Variants in MCEE observed in about 807,000 individuals in gnomAD.
MCEE encodes the protein methylmalonyl-CoA epimerase.
A neutral mutation model predicts 12.9 loss-of-function variants in MCEE; 6 were observed. The ratio of observed to expected loss-of-function variants is 0.47; its 90% CI spans 0.26 to 0.92. The LOEUF (loss-of-function observed/expected upper bound fraction) is 0.92, where lower values mean the gene tolerates loss of function less well. Among genes scored for constraint, MCEE ranks in the 40% least tolerant of loss-of-function variants. The pLI is 0.16. For missense variants in MCEE, 214 were observed against 212.1 expected (o/e 1.01, Z -0.05); for synonymous variants, 78 against 77.9 (o/e 1.00, Z -0.01).
intron 2 of MCEE, among the ~76,000 whole-genome samples, chr2:71,111,313 G>A (rs987153186): frequency 1.4e-4 from 21 of 152,044 alleles, no homozygotes; most frequent in Admixed American, 9.2e-4. Context: ...GGAACGGCTC[G>A]ACCCACTTAG....
In MCEE at chr2:71,110,055, A is replaced by G; in HGVS notation, c.446T>C (p.Val149Ala). Reference protein sequence around the residue: ...KKKIRSLSEEVKIGAHGKPVI... With the variant: ...KKKIRSLSEEAKIGAHGKPVI... Reference sequence around the variant, plus strand: ...TGGTTTTCCATGTGCTCCTATTTTGACCTCTTCACTTAGACTGCGGATCTT... The same window carrying G: ...TGGTTTTCCATGTGCTCCTATTTTGGCCTCTTCACTTAGACTGCGGATCTT... Residue 149 changes from valine to alanine, a missense_variant, in exon 3 of 3, where the codon GTC becomes GCC. Transcript: ENST00000244217. 1 of 1,613,512 alleles carries G rather than the reference A, an allele frequency of 6.2e-7. No individual in the cohort carries two copies. The highest frequency in any genetic ancestry group is 8.5e-7 in the Non-Finnish European group (1 of 1,179,578).
rs1672848369 is a variant in MCEE at position 71,109,797 on chromosome 2, A to G, written c.*173T>C. 2 of 397,766 alleles carry G rather than the reference A, an allele frequency of 5.0e-6. No individual in the cohort carries two copies. Among genetic ancestry groups the G allele is most frequent in the Non-Finnish European group, 8.7e-6 (2 of 229,820 alleles). The allele number at this position is 397,766 out of a possible 1,614,324, so 24.6% of individuals were successfully genotyped here. On this transcript the variant is annotated 3_prime_UTR_variant, in exon 3 of 3. Transcript: ENST00000244217. ...ACAAATATGTTTGTTAATCTAAATA[A>G]TATACATATTTATGTATTTATATAT...
At chr2:71,123,802 GA>G (rs1270291677) in intron 2 of MCEE, among the ~76,000 whole-genome samples, 1 of 152,176 alleles carries the variant, frequency 6.6e-6, no homozygotes, top group Non-Finnish European at 1.5e-5. Flanking sequence ...AGAGAGAAAA[GA>G]GTTATAAAGA....
Position 71,121,342 on chromosome 2 carries a change from G to A in MCEE, c.378+2864C>T, listed in dbSNP as rs1405861205. ...GGTGATGCCTGGAGCAACCTTGTAA[G>A]TCATGTGTCATGGACAGCAGAGCTG... On this transcript the variant is annotated intron_variant, in intron 2 of 2. Transcript: ENST00000244217. 3.9e-5 allele frequency among the ~76,000 whole-genome samples: 6 copies of A among 152,300 alleles called. No homozygotes were observed. In the East Asian group the frequency reaches 1.2e-3, roughly 29 times the overall value.
chr2:71,118,944 C>T (rs1673047492), intron 2 of MCEE, among the ~76,000 whole-genome samples: 1 of 149,400 alleles, frequency 6.7e-6, no homozygotes, highest in Non-Finnish European at 1.5e-5. Context: ...TCTCTGGCTT[C>T]CCCGGGGCAG....
At chr2:71,116,904 G>A (rs2103783397) in intron 2 of MCEE, 1 of 150,474 alleles carries the variant, frequency 6.6e-6, no homozygotes. Context: ...TCTGAAAATG[G>A]CAATACAATC....
intron 1 of MCEE, among the ~76,000 whole-genome samples, chr2:71,126,459 C>A (rs1028990346): frequency 2.6e-5 from 4 of 151,564 alleles, no homozygotes; most frequent in Admixed American, 2.6e-4. Context: ...AACTCCTGAC[C>A]TCGTGATCCG....
At chr2:71,129,101 GA>G (rs1313761497) in intron 1 of MCEE, among the ~76,000 whole-genome samples, 1 of 151,960 alleles carries the variant, frequency 6.6e-6, no homozygotes, top group African/African-American at 2.4e-5. Context: ...GCAATCTTTG[GA>G]ATACACTGTC....
rs1004214683 is a variant in MCEE, at chr2:71,119,782, G to A, written c.378+4424C>T. 1.3e-5 allele frequency among the ~76,000 whole-genome samples: 2 copies of A among 150,192 alleles called. 1 individual carries two copies. The highest frequency in any genetic ancestry group is 5.0e-5 in the African/African-American group (2 of 39,604). ...CAGATAGAATTGTGCGGCTGAGCAT[G>A]GTGGTTCATGCCTGTAATCCCAGTG... On this transcript the variant is annotated intron_variant, in intron 2 of 2. Transcript: ENST00000244217.
chr2:71,110,236 T>C, intron 2 of MCEE, 114 bp from the exon 3 acceptor site: 1 of 825,036 alleles, frequency 1.2e-6, no homozygotes, highest in South Asian at 1.5e-5. Context: ...CCTCTGCCTG[T>C]GGGCAGGACC....
rs956236158 is a variant in MCEE at position 71,120,176 on chromosome 2, T to C, written c.378+4030A>G. Among the ~76,000 whole-genome samples, 14 of 150,142 alleles carry C rather than the reference T, an allele frequency of 9.3e-5. 1 individual carries two copies. Among genetic ancestry groups the C allele is most frequent in the African/African-American group, 3.5e-4 (14 of 39,540 alleles). Reference sequence around the variant, plus strand: ...CTGTTTACCAACCAACACGGAAGCATTTAAATATTTTTACAAACTCAATAC... The same window carrying C: ...CTGTTTACCAACCAACACGGAAGCACTTAAATATTTTTACAAACTCAATAC... On this transcript the variant is annotated intron_variant, in intron 2 of 2. Transcript: ENST00000244217.
intron 1 of MCEE, among the ~76,000 whole-genome samples, chr2:71,127,561 A>G (rs1345876429): frequency 1.3e-5 from 2 of 152,260 alleles, no homozygotes; most frequent in Non-Finnish European, 2.9e-5. Context: ...TGAAGTGTAC[A>G]ATTCATTTCT....
chr2:71,117,319 T>C (rs1330663807), intron 2 of MCEE, among the ~76,000 whole-genome samples: 1 of 150,608 alleles, frequency 6.6e-6, no homozygotes, highest in Non-Finnish European at 1.5e-5. Context: ...ACAATGACTA[T>C]ATAGTCTAGT....
In MCEE at chr2:71,124,525, T is replaced by G; in HGVS notation, c.59A>C (p.Gln20Pro). The change falls in exon 2 of 3, where the codon CAA becomes CCA. Residue 20 changes from glutamine to proline, a missense_variant. Physicochemically the swap from Gln to Pro is moderately conservative, Grantham distance 76. Transcript: ENST00000244217. Reference protein sequence around the residue: ...ANAVGLFSRLQAPIPTVRASS... With the variant: ...ANAVGLFSRLPAPIPTVRASS... ...AGCTCTTACTGTTGGAATGGGAGCT[T>G]GAAGTCTGGAAAAAAGCCCTGAAAA... 6.2e-7 allele frequency: 1 copy of G among 1,613,944 alleles called. No individual in the cohort carries two copies. Among genetic ancestry groups the G allele is most frequent in the Non-Finnish European group, 8.5e-7 (1 of 1,180,012 alleles).
At chr2:71,111,963 T>C (rs1293992635) in intron 2 of MCEE, among the ~76,000 whole-genome samples, 1 of 152,226 alleles carries the variant, frequency 6.6e-6, no homozygotes, top group Non-Finnish European at 1.5e-5. Flanking sequence ...GAGGATAAAC[T>C]GATCTCTTTT....
intron 2 of MCEE, among the ~76,000 whole-genome samples, chr2:71,122,464 G>A (rs894424233): frequency 7.9e-5 from 12 of 152,178 alleles, no homozygotes; most frequent in Non-Finnish European, 1.5e-4. Flanking sequence ...CCGAGACTGG[G>A]CAATTTACAA....
chr2:71,111,394 T>C (rs915157115), intron 2 of MCEE, among the ~76,000 whole-genome samples: 2 of 152,150 alleles, frequency 1.3e-5, no homozygotes, highest in Admixed American at 6.5e-5. Context: ...ATATCAATAT[T>C]ATTAAGCTTT....
intron 1 of MCEE, among the ~76,000 whole-genome samples, chr2:71,125,211 A>ATATTTTTTTTTTTTTTT: frequency 2.1e-5 from 1 of 48,606 alleles, no homozygotes; most frequent in Non-Finnish European, 4.4e-5. Context: ...ATATATATAT[A>ATATTTTTTTTTTTTTTT]TTTTTTTTTT....
intron 1 of MCEE, among the ~76,000 whole-genome samples, chr2:71,126,320 C>G (rs576976054): frequency 6.7e-6 from 1 of 149,312 alleles, no homozygotes; most frequent in Non-Finnish European, 1.5e-5. Flanking sequence ...CTCCACCTTC[C>G]GGGTTCAAGC....
Sources: allele counts gnomAD v4.1 joint callset (sites outside exome capture counted in the v4.1 genomes callset), GRCh38; gene constraint gnomAD v4.1.1; transcripts MANE v1.5; gene names NCBI Gene and HGNC (gene_info 2026-07-23, HGNC 2026-07-21).